Variants in FAM219A observed in about 807,000 individuals in gnomAD.
FAM219A encodes protein FAM219A.
A neutral mutation model predicts 23.4 loss-of-function variants in FAM219A; 7 were observed. That is an observed-to-expected ratio of 0.30 (90% CI 0.17 to 0.56). FAM219A has a LOEUF of 0.56. Among genes scored for constraint, FAM219A ranks in the 20% least tolerant of loss-of-function variants. The probability of loss-of-function intolerance (pLI) is 0.92; values close to 1 mark genes in which losing one functional copy is unlikely to be tolerated. For missense variants in FAM219A, 166 were observed against 246.9 expected (o/e 0.67, Z 2.20); for synonymous variants, 93 against 99.0 (o/e 0.94, Z 0.36).
chr9:34,421,523 G>T (rs78008048), intron 1 of FAM219A, among the ~76,000 whole-genome samples: 2,080 of 152,090 alleles, frequency 0.014, 50 homozygotes, highest in African/African-American at 0.047. Flanking sequence ...ACACTTACCG[G>T]CTAACTCATA....
At chr9:34,446,365 A>G (rs969931909) in intron 1 of FAM219A, among the ~76,000 whole-genome samples, 2 of 152,228 alleles carry the variant, frequency 1.3e-5, no homozygotes, top group African/African-American at 2.4e-5. Flanking sequence ...TATACAAAAC[A>G]TTAGCAAACA....
At chr9:34,443,593 T>C (rs1823264072) in intron 1 of FAM219A, among the ~76,000 whole-genome samples, 1 of 152,210 alleles carries the variant, frequency 6.6e-6, no homozygotes, top group Non-Finnish European at 1.5e-5. Flanking sequence ...AATTTGCAGC[T>C]CATTTTCACA....
intron 1 of FAM219A, among the ~76,000 whole-genome samples, chr9:34,419,177 A>T (rs1403429176): frequency 2.0e-5 from 3 of 152,148 alleles, no homozygotes. Flanking sequence ...AAAAAAATTG[A>T]GAAGCAGGAC....
intron 1 of FAM219A, among the ~76,000 whole-genome samples, chr9:34,409,121 AG>A (rs1303870888): frequency 6.6e-6 from 1 of 152,218 alleles, no homozygotes; most frequent in Non-Finnish European, 1.5e-5. Flanking sequence ...GGGCCTGACC[AG>A]GGGGCAGAGC....
In FAM219A at chr9:34,399,182, A is replaced by G. The variant is rs1444966756; in HGVS notation, c.*1782T>C. 1 of 152,188 alleles carries G rather than the reference A, an allele frequency of 6.6e-6. No homozygotes were observed. The highest frequency in any genetic ancestry group is 1.5e-5 in the Non-Finnish European group (1 of 68,102). 9.4% of individuals were successfully genotyped at this position (152,188 alleles called of 1,614,324 possible). A position where few individuals can be genotyped will look rare whatever the true frequency, so the allele number is the denominator to read the frequency against. ...TGAGTGGATCCATGGGAGTGGATCC[A>G]CCAGCACATGTGGGGTGTTAGCATG... On this transcript the variant is annotated 3_prime_UTR_variant, in exon 6 of 6. Transcript: ENST00000651358.
In FAM219A at chr9:34,429,027, T is replaced by G. The variant is rs143252332; in HGVS notation, c.61-23063A>C. ...AGGAGCACTATCATGCAACACCTCT[T>G]GAGGTGGGCTGGGGGCAGCCCTAGT... On this transcript the variant is annotated intron_variant, in intron 1 of 5. Transcript: ENST00000651358. 5.0e-3 allele frequency among the ~76,000 whole-genome samples: 759 copies of G among 152,300 alleles called. 10 individuals carry two copies. Among genetic ancestry groups the G allele is most frequent in the African/African-American group, 0.017 (716 of 41,568 alleles).
rs1302861336 is a variant in FAM219A at position 34,399,936 on chromosome 9, C to T, written c.*1028G>A. 1 of 152,732 alleles carries T rather than the reference C, an allele frequency of 6.5e-6. No homozygotes were observed. The highest frequency in any genetic ancestry group is 1.5e-5 in the Non-Finnish European group (1 of 68,508). 9.5% of individuals were successfully genotyped at this position (152,732 alleles called of 1,614,324 possible). On this transcript the variant is annotated 3_prime_UTR_variant, in exon 6 of 6. Transcript: ENST00000651358. ...AGGAATAGACTGAGGAGAGACAGGT[C>T]CAACAGAGACACACACCCACCCACC...
intron 2 of FAM219A, among the ~76,000 whole-genome samples, chr9:34,405,265 C>T (rs1005544834): frequency 3.1e-4 from 47 of 152,152 alleles, no homozygotes; most frequent in Admixed American, 2.9e-3. Context: ...TGGCCAGAAG[C>T]GAGGGGACTT....
intron 1 of FAM219A, among the ~76,000 whole-genome samples, chr9:34,437,296 C>G (rs1016598247): frequency 6.6e-6 from 1 of 152,140 alleles, no homozygotes; most frequent in Non-Finnish European, 1.5e-5. Context: ...CAGGACACTA[C>G]GTTATGATCT....
chr9:34,441,988 T>A (rs749007366), intron 1 of FAM219A, among the ~76,000 whole-genome samples: 13 of 152,208 alleles, frequency 8.5e-5, no homozygotes, highest in Non-Finnish European at 1.6e-4. Flanking sequence ...CCACCCAAAG[T>A]GCTGAATTAC....
intron 1 of FAM219A, among the ~76,000 whole-genome samples, chr9:34,430,636 CAAAA>C (rs757627612): frequency 1.8e-5 from 1 of 56,278 alleles, no homozygotes; most frequent in East Asian, 5.8e-4. Context: ...GACTCCGTCT[CAAAA>C]AAAAAAAAAA....
chr9:34,437,706 A>T (rs1490441440), intron 1 of FAM219A, among the ~76,000 whole-genome samples: 1 of 152,242 alleles, frequency 6.6e-6, no homozygotes, highest in Admixed American at 6.5e-5. Flanking sequence ...TAAATGAAAC[A>T]CTGTGTGTCT....
chr9:34,454,214 G>C (rs1823655364), intron 1 of FAM219A, among the ~76,000 whole-genome samples: 1 of 152,232 alleles, frequency 6.6e-6, no homozygotes, highest in African/African-American at 2.4e-5. Flanking sequence ...AAAGCGGGCA[G>C]ATCATGAGGT....
intron 1 of FAM219A, among the ~76,000 whole-genome samples, chr9:34,439,328 A>T (rs1201877015): frequency 7.2e-5 from 11 of 152,246 alleles, no homozygotes; most frequent in Non-Finnish European, 1.6e-4. Flanking sequence ...ACATGGGGTT[A>T]CCAAGTAAAT....
At chr9:34,407,923 G>A (rs1213196755) in intron 1 of FAM219A, among the ~76,000 whole-genome samples, 1 of 152,188 alleles carries the variant, frequency 6.6e-6, no homozygotes, top group African/African-American at 2.4e-5. Flanking sequence ...ATGAGGCAGT[G>A]GGCATGAAAA....
chr9:34,443,333 G>A (rs190720694), intron 1 of FAM219A, among the ~76,000 whole-genome samples: 7 of 152,130 alleles, frequency 4.6e-5, no homozygotes, highest in East Asian at 1.9e-4. Context: ...CCCTCTACAC[G>A]TCCCCCAGCC....
chr9:34,454,318 C>T (rs779259415), intron 1 of FAM219A, among the ~76,000 whole-genome samples: 1 of 152,234 alleles, frequency 6.6e-6, no homozygotes, highest in African/African-American at 2.4e-5. Context: ...CGCCTGTAGT[C>T]CCAGCTATTC....
At chr9:34,426,053 T>C (rs147493038) in intron 1 of FAM219A, among the ~76,000 whole-genome samples, 1 of 152,214 alleles carries the variant, frequency 6.6e-6, no homozygotes, top group Non-Finnish European at 1.5e-5. Flanking sequence ...CTCTGCAACC[T>C]TGTGGCTGTC....
At chr9:34,424,264 G>A (rs1822378869) in intron 1 of FAM219A, among the ~76,000 whole-genome samples, 1 of 152,140 alleles carries the variant, frequency 6.6e-6, no homozygotes, top group South Asian at 2.1e-4. Flanking sequence ...AGACATGAGG[G>A]AGGACTCAAG....
Sources: gnomAD v4.1 joint callset for allele counts (sites outside exome capture counted in the v4.1 genomes callset) on GRCh38, gnomAD v4.1.1 for gene constraint, MANE v1.5 for transcripts, NCBI Gene and HGNC (gene_info 2026-07-23, HGNC 2026-07-21) for gene names.